Variants in GYS2 observed in about 807,000 individuals in gnomAD.
GYS2 encodes glycogen synthase 2, also known as glycogen [starch] synthase, liver.
In GYS2, 80 loss-of-function variants were observed where a neutral mutation model predicts 85.6. The ratio of observed to expected loss-of-function variants is 0.93; its 90% CI spans 0.78 to 1.13. GYS2 has a LOEUF of 1.13. GYS2 is among the 50% of genes most tolerant of loss of function. The pLI, the probability that GYS2 is intolerant of heterozygous loss-of-function variation, is 0.00. For missense variants in GYS2, 881 were observed against 854.9 expected (o/e 1.03, Z -0.38); for synonymous variants, 328 against 300.7 (o/e 1.09, Z -0.94).
In GYS2 at chr12:21,536,897, A is replaced by C; in HGVS notation, c.*57T>G. ...TGAAATTTGTGGCATTTTTATTTTA[A>C]ATAATTAGTCTTACTTTGCTTTTTT... On this transcript the variant is annotated 3_prime_UTR_variant, in exon 16 of 16. Coordinates refer to ENST00000261195, the MANE Select transcript of GYS2 (RefSeq NM_021957.4). The C allele has an allele frequency of 8.4e-7, 1 of 1,191,650 alleles. No homozygotes were observed. The highest frequency in any genetic ancestry group is 2.3e-5 in the East Asian group (1 of 42,664). 73.8% of individuals were successfully genotyped at this position (1,191,650 alleles called of 1,614,324 possible). A position where few individuals can be genotyped will look rare whatever the true frequency, so the allele number is the denominator to read the frequency against.
rs1944442366 is a variant in GYS2 at position 21,575,996 on chromosome 12, T to C, written c.365A>G (p.Tyr122Cys). 1.9e-6 allele frequency: 3 copies of C among 1,613,876 alleles called. No individual in the cohort carries two copies. The highest frequency in any genetic ancestry group is 2.5e-6 in the Non-Finnish European group (3 of 1,179,824). ...CCACCTGTCCAGATTCCAAGCTGAA[T>C]AGCCTATGTCAAAAAGTACCACATA... ...SPYVVLFDIGYSAWNLDRWKG... is the reference protein window; with the variant it reads ...SPYVVLFDIGCSAWNLDRWKG... Residue 122 changes from tyrosine to cysteine, a missense_variant, in exon 3 of 16, where the codon TAT becomes TGT. Physicochemically the swap from Tyr to Cys is radical, Grantham distance 194 (BLOSUM62 -2). Coordinates refer to ENST00000261195, the MANE Select transcript of GYS2 (RefSeq NM_021957.4).
At chr12:21,539,199 A>G (rs1943943772) in intron 15 of GYS2, 59 bp downstream of exon 15, 1 of 943,392 alleles carries the variant, frequency 1.1e-6, no homozygotes, top group Non-Finnish European at 1.7e-6. Context: ...ATTTAAATGT[A>G]TTATTTAAAC....
chr12:21,575,352 C>G (rs1944432795), intron 3 of GYS2, among the ~76,000 whole-genome samples: 1 of 152,104 alleles, frequency 6.6e-6, no homozygotes. Context: ...AAAATATTAA[C>G]ATTCACACTG....
chr12:21,543,316 C>T (rs1457762447), intron 12 of GYS2, among the ~76,000 whole-genome samples: 2 of 152,160 alleles, frequency 1.3e-5, no homozygotes, highest in African/African-American at 2.4e-5. Context: ...GCAACCTTAT[C>T]TCTTGCTCTG....
At chr12:21,597,232 C>T (rs143025260) in intron 1 of GYS2, among the ~76,000 whole-genome samples, 1 of 152,192 alleles carries the variant, frequency 6.6e-6, no homozygotes, top group East Asian at 1.9e-4. Flanking sequence ...TAAAATACAT[C>T]TGCACAGTAA....
chr12:21,580,497 T>C lies in GYS2; in HGVS notation c.148A>G (p.Thr50Ala). The stretch of plus-strand genomic sequence containing the variant: ...TCATCTGCTGTTGTTTTGGCCTTTG[T>C]CTGAATCACAGTATAGATGCCTCCA... ...KVGGIYTVIQTKAKTTADEWG... is the reference protein window; with the variant it reads ...KVGGIYTVIQAKAKTTADEWG... Residue 50 changes from threonine (T) to alanine (A), a missense_variant, in exon 2 of 16, where the codon ACA becomes GCA. Thr to Ala is a moderately conservative substitution (Grantham distance 58). Coordinates refer to ENST00000261195, the MANE Select transcript of GYS2 (RefSeq NM_021957.4). 6.2e-7 allele frequency: 1 copy of C among 1,613,484 alleles called. No homozygotes were observed.
chr12:21,574,275 G>A lies in GYS2; in HGVS notation c.547C>T (p.Gln183Ter), dbSNP rs201157731. ...GAAAGGATCAGTCCAATTCCAGCCT[G>A]CCATTCATGGAATTGGGCAACGACA... ...KYVVAQFHEWQAGIGLILSRA... is the reference protein window; with the variant it reads ...KYVVAQFHEW The change falls in exon 4 of 16, where the codon CAG becomes TAG. Residue 183 changes from glutamine (Q) to a stop codon, truncating the protein, a stop_gained. Coordinates refer to ENST00000261195, the MANE Select transcript of GYS2 (RefSeq NM_021957.4). LOFTEE classifies it high-confidence loss of function. The A allele has an allele frequency of 9.2e-5, 148 of 1,613,554 alleles. No homozygotes were observed. Among genetic ancestry groups the A allele is most frequent in the Non-Finnish European group, 1.2e-4 (138 of 1,179,504 alleles).
At chr12:21,562,037 G>A (rs2082790139) in intron 7 of GYS2, among the ~76,000 whole-genome samples, 1 of 152,096 alleles carries the variant, frequency 6.6e-6, no homozygotes, top group African/African-American at 2.4e-5. Flanking sequence ...GATGGGATTG[G>A]AATATAAACC....
Position 21,574,279 on chromosome 12 carries a change from T to C in GYS2, c.543A>G (p.Glu181=), listed in dbSNP as rs138104080. ...GGATCAGTCCAATTCCAGCCTGCCATTCATGGAATTGGGCAACGACATATT... is the reference window on the plus strand; with the variant it reads ...GGATCAGTCCAATTCCAGCCTGCCACTCATGGAATTGGGCAACGACATATT... ...DGKYVVAQFH[E]WQAGIGLILS... The change falls in exon 4 of 16, where the codon GAA becomes GAG. Residue 181 remains glutamate, a synonymous_variant. Coordinates refer to ENST00000261195, the MANE Select transcript of GYS2 (RefSeq NM_021957.4). 36 of 1,613,818 alleles carry C rather than the reference T, an allele frequency of 2.2e-5. No homozygotes were observed. Among genetic ancestry groups the C allele is most frequent in the Non-Finnish European group, 3.0e-5 (35 of 1,179,794 alleles).
chr12:21,582,834 C>T (rs1360795198), intron 1 of GYS2, among the ~76,000 whole-genome samples: 1 of 152,078 alleles, frequency 6.6e-6, no homozygotes, highest in Non-Finnish European at 1.5e-5. Context: ...ACTGATAATC[C>T]TTGGCATCAA....
chr12:21,590,484 G>C (rs1944625062), intron 1 of GYS2, among the ~76,000 whole-genome samples: 1 of 152,126 alleles, frequency 6.6e-6, no homozygotes, highest in Admixed American at 6.5e-5. Flanking sequence ...TGGGTCTGAA[G>C]ACTGGCTCAT....
chr12:21,564,671 AC>A (rs1211171586), intron 5 of GYS2, among the ~76,000 whole-genome samples: 1 of 152,194 alleles, frequency 6.6e-6, no homozygotes, highest in Non-Finnish European at 1.5e-5. Flanking sequence ...TCCTAAATGA[AC>A]TATATAATGT....
chr12:21,570,821 A>C (rs928937419), intron 4 of GYS2, among the ~76,000 whole-genome samples: 1 of 152,226 alleles, frequency 6.6e-6, no homozygotes, highest in African/African-American at 2.4e-5. Context: ...CCACTCTGAA[A>C]GTGTTTATTT....
intron 11 of GYS2, among the ~76,000 whole-genome samples, chr12:21,557,813 G>A (rs894269725): frequency 6.6e-6 from 1 of 151,962 alleles, no homozygotes; most frequent in African/African-American, 2.4e-5. Context: ...GCAGGAGAAT[G>A]GTGTGGACCC....
At chr12:21,563,465 C>G in intron 5 of GYS2, 120 bp from the exon 6 acceptor site, 1 of 634,862 alleles carries the variant, frequency 1.6e-6, no homozygotes. Context: ...TTTCTGACTA[C>G]CATAAAATTT....
At chr12:21,557,324 A>G (rs1944192442) in intron 11 of GYS2, among the ~76,000 whole-genome samples, 1 of 152,178 alleles carries the variant, frequency 6.6e-6, no homozygotes, top group South Asian at 2.1e-4. Flanking sequence ...AGTAAACATC[A>G]TATAGTTTAA....
rs559256114 is a variant in GYS2, at chr12:21,590,400, C to T, written c.122-9877G>A. Among the ~76,000 whole-genome samples the T allele has an allele frequency of 4.5e-4, 68 of 152,338 alleles. 1 individual carries two copies. Among genetic ancestry groups the T allele is most frequent in the Admixed American group, 2.7e-3 (41 of 15,308 alleles). The stretch of plus-strand genomic sequence containing the variant: ...CCATGACTGGTACCTAAGCAACCCT[C>T]CCAGAAGCCTGATGATGGGCCTACC... On this transcript the variant is annotated intron_variant, in intron 1 of 15. Coordinates refer to ENST00000261195, the MANE Select transcript of GYS2 (RefSeq NM_021957.4).
chr12:21,595,273 C>T (rs1017486975), intron 1 of GYS2, among the ~76,000 whole-genome samples: 4 of 151,958 alleles, frequency 2.6e-5, no homozygotes, highest in Admixed American at 2.6e-4. Context: ...CCTGAGAGGA[C>T]CCACAGACCC....
intron 11 of GYS2, among the ~76,000 whole-genome samples, chr12:21,548,269 G>C (rs1226900424): frequency 1.3e-5 from 2 of 152,128 alleles, no homozygotes; most frequent in East Asian, 3.9e-4. Flanking sequence ...TCAATACGCA[G>C]TAAATGAAGC....
Sources: gnomAD v4.1 joint callset for allele counts (sites outside exome capture counted in the v4.1 genomes callset) on GRCh38, gnomAD v4.1.1 for gene constraint, MANE v1.5 for transcripts, NCBI Gene and HGNC (gene_info 2026-07-23, HGNC 2026-07-21) for gene names.